The following TRIO variants were observed in gnomAD, a reference collection of about 807,000 sequenced individuals.
TRIO encodes trio Rho guanine nucleotide exchange factor.
A neutral mutation model predicts 351.9 loss-of-function variants in TRIO; 58 were observed. The observed-to-expected ratio is 0.16, with a 90% confidence interval of 0.13 to 0.21. The LOEUF (loss-of-function observed/expected upper bound fraction) is 0.21. TRIO is among the 10% of genes least tolerant of loss of function. TRIO has a pLI of 1.00. For synonymous variants in TRIO, 1,758 were observed against 1,595.7 expected (o/e 1.10, Z -2.42); for missense variants, 3,201 against 4,027.8 (o/e 0.79, Z 5.56).
Position 14,375,251 on chromosome 5 carries a change from T to G in TRIO, c.3331+908T>G, listed in dbSNP as rs1745454282. ...AACCGTTTTTCTGCATGAATAAGTCTTCTGGGCCAGCAAGTTATTTGCATT... is the reference window on the plus strand; with the variant it reads ...AACCGTTTTTCTGCATGAATAAGTCGTCTGGGCCAGCAAGTTATTTGCATT... On this transcript the variant is annotated intron_variant, in intron 19 of 56. Coordinates refer to ENST00000344204, the MANE Select transcript of TRIO (RefSeq NM_007118.4). Among the ~76,000 whole-genome samples the G allele has an allele frequency of 4.6e-5, 7 of 152,238 alleles. No individual in the cohort carries two copies. In the South Asian group the frequency reaches 1.5e-3, roughly 32 times the overall value.
intron 49 of TRIO, among the ~76,000 whole-genome samples, chr5:14,496,079 C>A (rs781556442): frequency 1.9e-4 from 29 of 152,214 alleles, no homozygotes; most frequent in African/African-American, 7.0e-4. Flanking sequence ...GTACAATTCA[C>A]TGATGGTGCG....
At chr5:14,201,617 T>C (rs1469962374) in intron 1 of TRIO, among the ~76,000 whole-genome samples, 2 of 152,210 alleles carry the variant, frequency 1.3e-5, no homozygotes, top group African/African-American at 2.4e-5. Flanking sequence ...AAGATGATCC[T>C]GTATCTGGAT....
At chr5:14,302,568 C>T (rs549335764) in intron 7 of TRIO, among the ~76,000 whole-genome samples, 31 of 152,256 alleles carry the variant, frequency 2.0e-4, no homozygotes, top group African/African-American at 7.2e-4. Flanking sequence ...CACTTAATGC[C>T]GTATGAACTG....
chr5:14,471,186 CACAA>C lies in TRIO; in HGVS notation c.5764-126_5764-123del, dbSNP rs1422916933. The C allele has an allele frequency of 1.3e-5, 16 of 1,250,676 alleles. No individual in the cohort carries two copies. The East Asian group carries it at 1.8e-4, about 14-fold the overall frequency. 77.5% of individuals were successfully genotyped at this position (1,250,676 alleles called of 1,614,324 possible). A position where few individuals can be genotyped will look rare whatever the true frequency, so the allele number is the denominator to read the frequency against. On this transcript the variant is annotated intron_variant, in intron 37 of 56. Transcript: ENST00000344204. The stretch of plus-strand genomic sequence containing the variant: ...TTTGTGTTATTAAATGCTATAATTT[CACAA>C]ACAAAGATTTTATAATTTCACAAAT...
At chr5:14,317,957 T>C (rs534183914) in intron 9 of TRIO, among the ~76,000 whole-genome samples, 1 of 152,034 alleles carries the variant, frequency 6.6e-6, no homozygotes, top group Admixed American at 6.5e-5. Flanking sequence ...TGAAACCGTG[T>C]CTCTACTCAG....
At chr5:14,190,376 C>T (rs561818962) in intron 1 of TRIO, among the ~76,000 whole-genome samples, 4 of 152,242 alleles carry the variant, frequency 2.6e-5, no homozygotes, top group Non-Finnish European at 2.9e-5. Flanking sequence ...AGAAAAAATC[C>T]AGAAAAATCA....
chr5:14,364,955 G>T, intron 15 of TRIO, 139 bp downstream of exon 15: 1 of 1,143,960 alleles, frequency 8.7e-7, no homozygotes. Context: ...GTAAGATAAT[G>T]CGCACATACA....
At chr5:14,448,746 A>G (rs1229409042) in intron 34 of TRIO, among the ~76,000 whole-genome samples, 2 of 151,922 alleles carry the variant, frequency 1.3e-5, no homozygotes, top group African/African-American at 4.8e-5. Context: ...TTTCATTTAT[A>G]TGGAATTTTT....
intron 1 of TRIO, among the ~76,000 whole-genome samples, chr5:14,204,663 T>C (rs967788373): frequency 6.6e-6 from 1 of 152,240 alleles, no homozygotes; most frequent in African/African-American, 2.4e-5. Flanking sequence ...TCCTGAACCC[T>C]GTCTCTCATT....
At chr5:14,361,821 T>G (rs955113809) in intron 13 of TRIO, among the ~76,000 whole-genome samples, 11 of 152,174 alleles carry the variant, frequency 7.2e-5, no homozygotes, top group African/African-American at 2.7e-4. Context: ...TTATAATCTT[T>G]TTAAAGTTTA....
intron 1 of TRIO, among the ~76,000 whole-genome samples, chr5:14,205,187 G>A (rs1791380932): frequency 6.6e-6 from 1 of 152,252 alleles, no homozygotes; most frequent in Non-Finnish European, 1.5e-5. Context: ...GCTGCAGGAA[G>A]TGTCTGCTTT....
chr5:14,247,775 A>G (rs1272980176), intron 1 of TRIO, among the ~76,000 whole-genome samples: 3 of 152,202 alleles, frequency 2.0e-5, no homozygotes, highest in East Asian at 3.8e-4. Flanking sequence ...CAGAAGAAAT[A>G]TAGACCACTA....
In TRIO at chr5:14,359,358, G is replaced by C; in HGVS notation, c.2218G>C (p.Asp740His). Residue 740 changes from aspartate to histidine, a missense_variant and splice_region_variant, in exon 13 of 57, where the codon GAC (aspartate) becomes CAC (histidine). By Grantham distance (81) the Asp-to-His change is moderately conservative (BLOSUM62 -1). Around this residue, in one of 19 missense-constraint regions of TRIO, gnomAD observed 363 missense variants for 553.5 expected, o/e 0.66. Transcript: ENST00000344204. Reference sequence around the variant, plus strand: ...CTGTTCCTCTGTGTGCTCTCGCAGGGACTCTGCCATCTCCAGTAACAAGAC... The same window carrying C: ...CTGTTCCTCTGTGTGCTCTCGCAGGCACTCTGCCATCTCCAGTAACAAGAC... ...EGEDLIQQLR[D>H]SAISSNKTPH... 1 of 1,611,776 alleles carries C rather than the reference G, an allele frequency of 6.2e-7. No individual in the cohort carries two copies. The highest frequency in any genetic ancestry group is 8.5e-7 in the Non-Finnish European group (1 of 1,178,012).
chr5:14,508,700 T>C lies in TRIO; in HGVS notation c.*278T>C. The C allele has an allele frequency of 2.8e-6, 1 of 351,788 alleles. No homozygotes were observed. Among genetic ancestry groups the C allele is most frequent in the Non-Finnish European group, 5.1e-6 (1 of 195,792 alleles). 21.8% of individuals were successfully genotyped at this position (351,788 alleles called of 1,614,324 possible). ...TGCAAAAAAATAAAAAGATAACTTT[T>C]TTAAACAAACATGAATAGAATTTTG... On this transcript the variant is annotated 3_prime_UTR_variant, in exon 57 of 57. Transcript: ENST00000344204.
intron 1 of TRIO, among the ~76,000 whole-genome samples, chr5:14,158,349 C>G (rs567525956): frequency 6.6e-6 from 1 of 151,386 alleles, no homozygotes; most frequent in South Asian, 2.1e-4. Context: ...CGCTTGAACC[C>G]GGGAGGCAGA....
At chr5:14,240,378 G>A (rs1794056802) in intron 1 of TRIO, among the ~76,000 whole-genome samples, 1 of 152,210 alleles carries the variant, frequency 6.6e-6, no homozygotes, top group South Asian at 2.1e-4. Context: ...GTGGTGAAAA[G>A]ATTGGGAAGG....
rs537149506 is a variant in TRIO, at chr5:14,498,601, A to G, written c.8293A>G (p.Met2765Val). 5.1e-5 allele frequency: 82 copies of G among 1,614,216 alleles called. No individual in the cohort carries two copies. The Admixed American group carries it at 1.2e-3, about 25-fold the overall frequency. Reference protein sequence around the residue: ...GIYTCIAVNDMGSASSSASLR... With the variant: ...GIYTCIAVNDVGSASSSASLR... ...CTACACGTGCATCGCTGTCAATGACATGGGTTCAGCCTCATCGTCGGCCAG... is the reference window on the plus strand; with the variant it reads ...CTACACGTGCATCGCTGTCAATGACGTGGGTTCAGCCTCATCGTCGGCCAG... Residue 2765 changes from methionine (M) to valine (V), a missense_variant, in exon 53 of 57, where the codon ATG becomes GTG. Physicochemically the swap from Met to Val is conservative, Grantham distance 21 (BLOSUM62 1). Transcript: ENST00000344204.
At chr5:14,236,135 T>C (rs996874776) in intron 1 of TRIO, among the ~76,000 whole-genome samples, 3 of 152,172 alleles carry the variant, frequency 2.0e-5, no homozygotes, top group Non-Finnish European at 4.4e-5. Context: ...CGACCTGGAA[T>C]TGTGGTTTGG....
At chr5:14,157,705 C>G (rs1788200733) in intron 1 of TRIO, among the ~76,000 whole-genome samples, 1 of 152,134 alleles carries the variant, frequency 6.6e-6, no homozygotes, top group South Asian at 2.1e-4. Flanking sequence ...CTGCCTCAGT[C>G]TCCTAAGTAG....
Sources: allele counts gnomAD v4.1 joint callset (sites outside exome capture counted in the v4.1 genomes callset), GRCh38; gene constraint gnomAD v4.1.1; regional missense constraint gnomAD v4.1.1; transcripts MANE v1.5; gene names NCBI Gene and HGNC (gene_info 2026-07-23, HGNC 2026-07-21).